Variants in SUGCT observed in about 807,000 individuals in gnomAD.
SUGCT encodes the protein succinyl-CoA:glutarate CoA-transferase.
SUGCT carries 41 observed loss-of-function variants against 55.0 expected under a neutral mutation model. The ratio of observed to expected loss-of-function variants is 0.74; its 90% CI spans 0.58 to 0.97. The LOEUF is 0.97. Ranked by LOEUF, SUGCT falls within the 50% of genes least tolerant of loss-of-function variation. SUGCT has a pLI of 0.00. For synonymous variants in SUGCT, 187 were observed against 200.4 expected, an observed-to-expected ratio of 0.93 and a Z score of 0.56; for missense variants, 568 against 547.8, an observed-to-expected ratio of 1.04 and a Z score of -0.37.
At chr7:40,516,869 A>G (rs1473316920) in intron 12 of SUGCT, among the ~76,000 whole-genome samples, 1 of 152,026 alleles carries the variant, frequency 6.6e-6, no homozygotes, top group Non-Finnish European at 1.5e-5. Context: ...GTAAGAATCC[A>G]GCTGGGATTT....
At chr7:40,189,398 C>CTTTTTTTTTTTTTT (rs771275549) in intron 4 of SUGCT, 146 bp from the exon 5 acceptor site, 2 of 143,912 alleles carry the variant, frequency 1.4e-5, no homozygotes, top group Non-Finnish European at 2.7e-5. Flanking sequence ...AATACACATA[C>CTTTTTTTTTTTTTT]TTTTTTTTTT....
At chr7:40,593,868 A>G (rs1797858748) in intron 12 of SUGCT, among the ~76,000 whole-genome samples, 2 of 152,290 alleles carry the variant, frequency 1.3e-5, no homozygotes, top group South Asian at 2.1e-4. Context: ...AAATCTCACT[A>G]TGATTTTCCA....
intron 12 of SUGCT, among the ~76,000 whole-genome samples, chr7:40,715,122 C>T (rs1366477655): frequency 6.6e-6 from 1 of 151,992 alleles, no homozygotes; most frequent in Non-Finnish European, 1.5e-5. Flanking sequence ...CTTTTAATTC[C>T]ACTGAAACAT....
chr7:40,513,815 A>AGTCTTGG (rs1793080986), intron 12 of SUGCT, among the ~76,000 whole-genome samples: 1 of 122,120 alleles, frequency 8.2e-6, no homozygotes, highest in Admixed American at 9.7e-5. Context: ...TTGGAGACAG[A>AGTCTTGG]GTCTTGGTCT....
the SUGCT span, among the ~76,000 whole-genome samples, chr7:40,973,379 C>A: frequency 1.3e-5 from 2 of 152,196 alleles, no homozygotes; most frequent in African/African-American, 2.4e-5. Context: ...TGGAAATATG[C>A]AATTCTTACT....
chr7:40,898,488 G>GGGC, the SUGCT span, among the ~76,000 whole-genome samples: 1 of 85,290 alleles, frequency 1.2e-5, no homozygotes, highest in African/African-American at 7.2e-5. Flanking sequence ...GTCGGGGGGG[G>GGGC]GGGGGGGGGT....
Position 40,689,213 on chromosome 7 carries a change from C to T in SUGCT, c.1090-60221C>T, listed in dbSNP as rs957654838. Among the ~76,000 whole-genome samples, 11 of 152,246 alleles carry T rather than the reference C, an allele frequency of 7.2e-5. No individual in the cohort carries two copies. The South Asian group carries it at 1.2e-3, about 17-fold the overall frequency. On this transcript the variant is annotated intron_variant, in intron 12 of 13. Transcript: ENST00000335693. ...GTGTGTTTACTAATTTTTAGCCTGT[C>T]AAGTAATAGAAAAGGTAGCCTTGGG...
chr7:40,503,396 A>G (rs968954509), intron 12 of SUGCT, among the ~76,000 whole-genome samples: 1 of 152,166 alleles, frequency 6.6e-6, no homozygotes, highest in Non-Finnish European at 1.5e-5. Flanking sequence ...AATATTTTGT[A>G]TGTTTAAATA....
chr7:40,554,541 G>A (rs1281708086), intron 12 of SUGCT, among the ~76,000 whole-genome samples: 1 of 152,180 alleles, frequency 6.6e-6, no homozygotes, highest in African/African-American at 2.4e-5. Flanking sequence ...GTTTTATTGT[G>A]TGGGTAATTT....
chr7:40,737,197 ACATTGAATCACACT>A (rs1231754720), intron 12 of SUGCT, among the ~76,000 whole-genome samples: 61 of 152,294 alleles, frequency 4.0e-4, no homozygotes, highest in African/African-American at 1.4e-3. Flanking sequence ...CACAGCTTCG[ACATTGAATCACACT>A]ACATTCCTTT....
chr7:40,717,560 G>A (rs1029634455), intron 12 of SUGCT, among the ~76,000 whole-genome samples: 3 of 152,194 alleles, frequency 2.0e-5, no homozygotes, highest in African/African-American at 7.2e-5. Context: ...AACACTTGTG[G>A]GGAAGGTTGG....
At chr7:40,444,907 T>A (rs1788727962) in intron 9 of SUGCT, among the ~76,000 whole-genome samples, 1 of 152,176 alleles carries the variant, frequency 6.6e-6, no homozygotes, top group Non-Finnish European at 1.5e-5. Flanking sequence ...CACCAATACC[T>A]CGTTTATTGA....
At chr7:41,024,302 C>T in the SUGCT span, among the ~76,000 whole-genome samples, 1 of 151,916 alleles carries the variant, frequency 6.6e-6, no homozygotes, top group African/African-American at 2.4e-5. Context: ...ATTCACTAAC[C>T]GAGACACACA....
chr7:40,370,154 A>G (rs939822753), intron 9 of SUGCT, among the ~76,000 whole-genome samples: 10 of 152,206 alleles, frequency 6.6e-5, no homozygotes, highest in African/African-American at 1.9e-4. Context: ...CTGGCAATCC[A>G]TGACCGAAGC....
intron 6 of SUGCT, among the ~76,000 whole-genome samples, chr7:40,199,792 CT>C (rs35337810): frequency 0.41 from 56,861 of 138,698 alleles, 11,986 homozygotes; most frequent in Middle Eastern, 0.61. Context: ...AATGAAGTTT[CT>C]TTTTTTTTTT....
chr7:40,268,953 T>C (rs1791803418), intron 7 of SUGCT, among the ~76,000 whole-genome samples: 2 of 152,302 alleles, frequency 1.3e-5, no homozygotes, highest in South Asian at 4.1e-4. Flanking sequence ...TTCATTTTCT[T>C]GGGTATATAC....
At chr7:40,431,428 T>C (rs762025495) in intron 9 of SUGCT, among the ~76,000 whole-genome samples, 25 of 152,344 alleles carry the variant, frequency 1.6e-4, no homozygotes, top group Non-Finnish European at 3.2e-4. Flanking sequence ...TGGGGTCTTT[T>C]ATGGTTCCAT....
At chr7:40,822,527 T>C (rs978305036) in intron 13 of SUGCT, among the ~76,000 whole-genome samples, 4 of 152,208 alleles carry the variant, frequency 2.6e-5, no homozygotes, top group Admixed American at 6.5e-5. Flanking sequence ...AATGGCCTTC[T>C]TTGTCCCTTT....
intron 8 of SUGCT, among the ~76,000 whole-genome samples, chr7:40,279,640 TAAC>T (rs58740730): frequency 0.077 from 11,698 of 152,154 alleles, 957 homozygotes; most frequent in African/African-American, 0.21. Flanking sequence ...AGTTGGCTAA[TAAC>T]ATAATTATTT....
Sources: gnomAD v4.1 joint callset for allele counts (sites outside exome capture counted in the v4.1 genomes callset) on GRCh38, gnomAD v4.1.1 for gene constraint, MANE v1.5 for transcripts, NCBI Gene and HGNC (gene_info 2026-07-23, HGNC 2026-07-21) for gene names.